Variants in AUTS2 observed in about 807,000 individuals in gnomAD.
The protein encoded by AUTS2 is autism susceptibility gene 2 protein.
In AUTS2, 17 loss-of-function variants were observed where a neutral mutation model predicts 112.4. The ratio of observed to expected loss-of-function variants is 0.15; its 90% CI spans 0.10 to 0.23. AUTS2 has a LOEUF of 0.23. AUTS2 is among the 10% of genes least tolerant of loss of function. AUTS2 has a pLI of 1.00. For missense variants in AUTS2, 1,510 were observed against 1,701.6 expected, an observed-to-expected ratio of 0.89 and a Z score of 1.98; for synonymous variants, 751 against 702.7, an observed-to-expected ratio of 1.07 and a Z score of -1.09.
chr7:70,002,557 G>A (rs1007364228), intron 2 of AUTS2, among the ~76,000 whole-genome samples: 2 of 152,034 alleles, frequency 1.3e-5, no homozygotes, highest in Non-Finnish European at 2.9e-5. Flanking sequence ...TGGCAGTGGC[G>A]AAAATAAGAT....
At chr7:70,701,284 A>T (rs547682854) in intron 6 of AUTS2, among the ~76,000 whole-genome samples, 1 of 152,366 alleles carries the variant, frequency 6.6e-6, no homozygotes, top group South Asian at 2.1e-4. Flanking sequence ...TGGGCTGCAC[A>T]GTGCGGAGAT....
intron 2 of AUTS2, among the ~76,000 whole-genome samples, chr7:70,025,951 G>A (rs911988739): frequency 1.4e-4 from 21 of 152,172 alleles, no homozygotes; most frequent in African/African-American, 5.1e-4. Context: ...AAGAAGATGA[G>A]ATAGTTTCTG....
At chr7:70,711,484 A>G (rs760857035) in intron 6 of AUTS2, among the ~76,000 whole-genome samples, 7 of 152,170 alleles carry the variant, frequency 4.6e-5, no homozygotes, top group Non-Finnish European at 1.0e-4. Context: ...CCTGCTCGAC[A>G]TCCTGGGCTT....
chr7:70,473,697 G>A (rs1334659907), intron 5 of AUTS2, among the ~76,000 whole-genome samples: 4 of 146,446 alleles, frequency 2.7e-5, no homozygotes, highest in African/African-American at 1.0e-4. Flanking sequence ...GAAAATGTTT[G>A]TTTTTTTGGT....
intron 1 of AUTS2, among the ~76,000 whole-genome samples, chr7:69,637,793 G>A (rs1257841602): frequency 6.6e-6 from 1 of 152,192 alleles, no homozygotes; most frequent in African/African-American, 2.4e-5. Context: ...GTGGCATCTT[G>A]TATCAGGGGT....
chr7:70,715,332 G>T (rs1810300637), intron 6 of AUTS2, among the ~76,000 whole-genome samples: 1 of 152,048 alleles, frequency 6.6e-6, no homozygotes, highest in South Asian at 2.1e-4. Flanking sequence ...CTAAAAATTA[G>T]AAAGGTACTG....
chr7:69,841,899 A>T (rs1791996778), intron 1 of AUTS2, among the ~76,000 whole-genome samples: 1 of 152,210 alleles, frequency 6.6e-6, no homozygotes, highest in South Asian at 2.1e-4. Flanking sequence ...GGAGTTGCTT[A>T]TTAAGTATTT....
At chr7:70,376,842 A>G (rs1344504665) in intron 4 of AUTS2, among the ~76,000 whole-genome samples, 1 of 151,498 alleles carries the variant, frequency 6.6e-6, no homozygotes, top group Non-Finnish European at 1.5e-5. Context: ...TGAAGCTGTC[A>G]GTCACTAAGT....
intron 5 of AUTS2, among the ~76,000 whole-genome samples, chr7:70,639,656 A>G (rs910823546): frequency 6.4e-5 from 9 of 140,828 alleles, no homozygotes; most frequent in African/African-American, 2.4e-4. Context: ...AGTCATCCCC[A>G]CTGGGACCTT....
intron 3 of AUTS2, among the ~76,000 whole-genome samples, chr7:70,122,484 T>C (rs772410687): frequency 6.6e-5 from 10 of 152,226 alleles, no homozygotes; most frequent in Admixed American, 2.6e-4. Context: ...CTATTGGTTG[T>C]TTTTTCTCTT....
intron 4 of AUTS2, among the ~76,000 whole-genome samples, chr7:70,383,132 A>G (rs1487688802): frequency 6.6e-6 from 1 of 152,092 alleles, no homozygotes; most frequent in Admixed American, 6.5e-5. Flanking sequence ...TGGCTTTACC[A>G]TAATTTTTTG....
At chr7:69,831,300 A>G (rs1197566315) in intron 1 of AUTS2, among the ~76,000 whole-genome samples, 2 of 152,214 alleles carry the variant, frequency 1.3e-5, no homozygotes, top group Non-Finnish European at 2.9e-5. Context: ...ATAGAAGCTC[A>G]GAATAGTTAA....
At chr7:70,615,977 T>G (rs1457857438) in intron 5 of AUTS2, among the ~76,000 whole-genome samples, 1 of 152,104 alleles carries the variant, frequency 6.6e-6, no homozygotes, top group Non-Finnish European at 1.5e-5. Flanking sequence ...ACTCCAGACC[T>G]CAAGTGATCT....
At chr7:69,753,467 G>A (rs1158793235) in intron 1 of AUTS2, among the ~76,000 whole-genome samples, 1 of 152,056 alleles carries the variant, frequency 6.6e-6, no homozygotes, top group Non-Finnish European at 1.5e-5. Context: ...CACAAGCCTG[G>A]GCAGTTCAGA....
chr7:69,905,096 T>C (rs1303175820), intron 2 of AUTS2, among the ~76,000 whole-genome samples: 1 of 152,174 alleles, frequency 6.6e-6, no homozygotes, highest in African/African-American at 2.4e-5. Flanking sequence ...GAAACAGGTT[T>C]ATTCGTGTTT....
At chr7:70,377,388 C>T (rs192761657) in intron 4 of AUTS2, among the ~76,000 whole-genome samples, 159 of 97,396 alleles carry the variant, frequency 1.6e-3, no homozygotes, top group South Asian at 7.3e-3. Flanking sequence ...ATATATATAT[C>T]GCAATAAAAA....
intron 2 of AUTS2, among the ~76,000 whole-genome samples, chr7:69,937,865 C>T (rs1207129359): frequency 2.6e-5 from 4 of 152,072 alleles, no homozygotes; most frequent in African/African-American, 9.7e-5. Context: ...AGCCATGGGG[C>T]CTTGTTCTTC....
chr7:70,056,164 T>C (rs1008379003), intron 2 of AUTS2, among the ~76,000 whole-genome samples: 1 of 152,064 alleles, frequency 6.6e-6, no homozygotes, highest in African/African-American at 2.4e-5. Flanking sequence ...ATTTTTGTAT[T>C]TTTAGTAGAG....
rs1808988124 is a variant in AUTS2 at position 70,694,861 on chromosome 7, G to C, written c.691-3708G>C. On this transcript the variant is annotated intron_variant, in intron 5 of 18. Coordinates refer to ENST00000342771, the MANE Select transcript of AUTS2 (RefSeq NM_015570.4). The surrounding 1 kb of genome is among the most constrained non-coding windows in gnomAD (Gnocchi z 4.1). Reference sequence around the variant, plus strand: ...GATCTGGTTCGGCGCCTCCGCTCTCGGACTTTGGCGAGGAAGGAGCCCAGA... The same window carrying C: ...GATCTGGTTCGGCGCCTCCGCTCTCCGACTTTGGCGAGGAAGGAGCCCAGA... 6.6e-6 allele frequency: 1 copy of C among 151,998 alleles called. No homozygotes were observed. Among genetic ancestry groups the C allele is most frequent in the Non-Finnish European group, 1.5e-5 (1 of 68,026 alleles). The allele number at this position is 151,998 out of a possible 1,614,324, so 9.4% of individuals were successfully genotyped here. A position where few individuals can be genotyped will look rare whatever the true frequency, so the allele number is the denominator to read the frequency against.
Sources: allele counts gnomAD v4.1 joint callset (sites outside exome capture counted in the v4.1 genomes callset), GRCh38; gene constraint gnomAD v4.1.1; non-coding constraint Gnocchi (gnomAD v3.1); transcripts MANE v1.5; gene names NCBI Gene and HGNC (gene_info 2026-07-23, HGNC 2026-07-21).